Variants in DIAPH2 observed in about 807,000 individuals in gnomAD.
DIAPH2 encodes protein diaphanous homolog 2.
Under a neutral mutation model 92.7 loss-of-function variants are expected in DIAPH2, and 35 were observed. That is an observed-to-expected ratio of 0.38 (90% CI 0.29 to 0.50). The LOEUF (loss-of-function observed/expected upper bound fraction) is 0.50. Ranked by LOEUF, DIAPH2 falls within the 20% of genes least tolerant of loss-of-function variation. The pLI is 0.94. For synonymous variants in DIAPH2, 301 were observed against 280.4 expected, an observed-to-expected ratio of 1.07 and a Z score of -0.73; for missense variants, 701 against 819.5, an observed-to-expected ratio of 0.86 and a Z score of 1.77.
intron 23 of DIAPH2, among the ~76,000 whole-genome samples, chrX:97,292,815 T>A (rs772192627): frequency 5.3e-4 from 59 of 111,938 alleles, no homozygotes; most frequent in Non-Finnish European, 9.0e-4. Context: ...TCACATTATA[T>A]TTAACTTTCT....
Position 97,187,281 on chromosome X carries a change from C to CTTTTTTTTTTTTTT in DIAPH2, c.2719+45497_2719+45510dup, listed in dbSNP as rs763781923. Among the ~76,000 whole-genome samples, 321 of 36,879 alleles carry CTTTTTTTTTTTTTT rather than the reference C, an allele frequency of 8.7e-3. 109 individuals carry two copies. Among genetic ancestry groups the CTTTTTTTTTTTTTT allele is most frequent in the African/African-American group, 0.012 (118 of 9,665 alleles). 32.0% of individuals were successfully genotyped at this position (36,879 alleles called of 115,157 possible). A position where few individuals can be genotyped will look rare whatever the true frequency, so the allele number is the denominator to read the frequency against. ...AGGGATTGAAGACTAATTAAGTAGC[C>CTTTTTTTTTTTTTT]TTTTTTTTTTTTTTTTTTTTTTTGC... is the stretch of plus-strand genomic sequence containing the variant. On this transcript the variant is annotated intron_variant, in intron 22 of 26. Transcript: ENST00000324765.
chrX:97,585,917 T>A (rs188114705), intron 26 of DIAPH2, among the ~76,000 whole-genome samples: 11 of 112,259 alleles, frequency 9.8e-5, no homozygotes, highest in African/African-American at 3.6e-4. Context: ...AAATATCTAC[T>A]CCCCTGAATT....
At chrX:97,327,473 C>G (rs886898779) in intron 23 of DIAPH2, among the ~76,000 whole-genome samples, 13 of 111,499 alleles carry the variant, frequency 1.2e-4, no homozygotes, top group African/African-American at 4.2e-4. Context: ...CGCTCTGTCG[C>G]CCAGGCTGGA....
chrX:96,958,507 G>C (rs2065827236), intron 16 of DIAPH2, among the ~76,000 whole-genome samples: 1 of 111,803 alleles, frequency 8.9e-6, no homozygotes, highest in Non-Finnish European at 1.9e-5. Flanking sequence ...TACATGCATA[G>C]AATGTGTAAT....
chrX:97,375,467 AAAAC>A (rs952554954), intron 24 of DIAPH2, among the ~76,000 whole-genome samples: 1 of 112,011 alleles, frequency 8.9e-6, no homozygotes, highest in Non-Finnish European at 1.9e-5. Context: ...AAAAAAAACA[AAAAC>A]AAACAAACAA....
intron 4 of DIAPH2, among the ~76,000 whole-genome samples, chrX:96,839,482 A>G (rs2064921592): frequency 9.0e-6 from 1 of 111,608 alleles, no homozygotes; most frequent in African/African-American, 3.3e-5. Context: ...TGGCTTAATT[A>G]CTTGTTAGAA....
chrX:97,048,341 A>G (rs1346014782), intron 17 of DIAPH2, among the ~76,000 whole-genome samples: 1 of 111,166 alleles, frequency 9.0e-6, no homozygotes, highest in South Asian at 3.8e-4. Flanking sequence ...TTTGAGAAAT[A>G]TAAATCTCCT....
intron 5 of DIAPH2, among the ~76,000 whole-genome samples, chrX:96,893,508 A>G (rs763512557): frequency 4.5e-5 from 5 of 111,971 alleles, no homozygotes; most frequent in African/African-American, 1.6e-4. Flanking sequence ...TCTTTAAATG[A>G]GGGATATTGG....
At chrX:97,287,952 CAAAAAAAAA>C (rs748309881) in intron 23 of DIAPH2, among the ~76,000 whole-genome samples, 11 of 39,782 alleles carry the variant, frequency 2.8e-4, no homozygotes, top group Admixed American at 4.2e-4. Context: ...GACTCTGTCT[CAAAAAAAAA>C]AAAAAAAAAA....
chrX:96,940,480 A>T (rs1382601134), intron 12 of DIAPH2, among the ~76,000 whole-genome samples: 2 of 111,508 alleles, frequency 1.8e-5, no homozygotes, highest in African/African-American at 6.5e-5. Flanking sequence ...TGTTCTTCAT[A>T]CTCTGATTTG....
chrX:96,836,159 G>A (rs985658814), intron 4 of DIAPH2, among the ~76,000 whole-genome samples: 11 of 108,793 alleles, frequency 1.0e-4, no homozygotes, highest in Non-Finnish European at 1.7e-4. Context: ...TTGGTTACAT[G>A]TGTAAGTTCT....
chrX:97,159,458 G>A (rs913142002), intron 22 of DIAPH2, among the ~76,000 whole-genome samples: 1 of 111,942 alleles, frequency 8.9e-6, no homozygotes, highest in Non-Finnish European at 1.9e-5. Context: ...TTGTAGCCAA[G>A]AAACTCTGAA....
At chrX:97,061,118 T>A (rs1036522870) in intron 17 of DIAPH2, among the ~76,000 whole-genome samples, 25 of 112,519 alleles carry the variant, frequency 2.2e-4, no homozygotes, top group Admixed American at 2.2e-3. Flanking sequence ...GATAAATAGG[T>A]TACATGTTAA....
intron 1 of DIAPH2, among the ~76,000 whole-genome samples, chrX:96,713,115 A>T (rs1207406094): frequency 9.0e-6 from 1 of 111,631 alleles, no homozygotes; most frequent in Non-Finnish European, 1.9e-5. Context: ...TTCCAAACTC[A>T]TGCATGTAAA....
chrX:96,884,821 G>T, intron 5 of DIAPH2: 1 of 1,211,317 alleles, frequency 8.3e-7, no homozygotes, highest in Non-Finnish European at 1.1e-6. Flanking sequence ...GCTGGATAAA[G>T]CCCGTCGTGA....
At chrX:97,487,776 A>T (rs1015661813) in intron 26 of DIAPH2, among the ~76,000 whole-genome samples, 2 of 77,401 alleles carry the variant, frequency 2.6e-5, no homozygotes, top group African/African-American at 7.5e-5. Context: ...AATGCCTTTT[A>T]CATTTTTTTT....
chrX:96,905,344 CAG>C (rs1465291008), intron 5 of DIAPH2, among the ~76,000 whole-genome samples: 4 of 111,345 alleles, frequency 3.6e-5, no homozygotes, highest in African/African-American at 1.3e-4. Context: ...CTAAATAATT[CAG>C]AGTCTGAATC....
chrX:97,583,365 T>C (rs868047400), intron 26 of DIAPH2, among the ~76,000 whole-genome samples: 4 of 108,951 alleles, frequency 3.7e-5, no homozygotes, highest in African/African-American at 1.3e-4. Context: ...GTGGATGTCC[T>C]TTCTGTTTGT....
intron 22 of DIAPH2, among the ~76,000 whole-genome samples, chrX:97,187,999 A>C (rs1016170627): frequency 1.1e-4 from 12 of 111,849 alleles, no homozygotes; most frequent in African/African-American, 3.9e-4. Flanking sequence ...CTCTGGGTGA[A>C]GATTTTAAGC....
Sources: allele counts gnomAD v4.1 joint callset (sites outside exome capture counted in the v4.1 genomes callset), GRCh38; gene constraint gnomAD v4.1.1; transcripts MANE v1.5; gene names NCBI Gene and HGNC (gene_info 2026-07-23, HGNC 2026-07-21).